The following LOC128092253 variants were observed in gnomAD, a reference collection of about 807,000 sequenced individuals.
chr6:133,978,912 T>C, the LOC128092253 span, among the ~76,000 whole-genome samples: 1 of 152,250 alleles, frequency 6.6e-6, no homozygotes, highest in Non-Finnish European at 1.5e-5. Context: ...AACTATAGTA[T>C]GTTTTTATCA....
the LOC128092253 span, among the ~76,000 whole-genome samples, chr6:133,978,538 T>C: frequency 2.0e-5 from 3 of 152,324 alleles, no homozygotes; most frequent in Admixed American, 2.0e-4. Context: ...CATCAGTTCC[T>C]ATTGTCACCC....
the LOC128092253 span, among the ~76,000 whole-genome samples, chr6:133,960,560 C>T: frequency 6.6e-6 from 1 of 151,958 alleles, no homozygotes; most frequent in African/African-American, 2.4e-5. Context: ...GAATGCATGC[C>T]TCTTGATTTA....
chr6:133,978,795 T>G, the LOC128092253 span, among the ~76,000 whole-genome samples: 1 of 152,204 alleles, frequency 6.6e-6, no homozygotes, highest in Non-Finnish European at 1.5e-5. Flanking sequence ...AAGACCTTCT[T>G]TATTTAGACT....
the LOC128092253 span, among the ~76,000 whole-genome samples, chr6:133,979,752 T>C: frequency 6.6e-6 from 1 of 152,124 alleles, no homozygotes; most frequent in Non-Finnish European, 1.5e-5. Flanking sequence ...GTTCAAGTGA[T>C]TCTCCCACCT....
chr6:133,972,287 C>T, the LOC128092253 span, among the ~76,000 whole-genome samples: 1 of 152,232 alleles, frequency 6.6e-6, no homozygotes, highest in East Asian at 1.9e-4. Context: ...TCACTCAGAT[C>T]TATTCAGATC....
chr6:133,972,116 A>G, the LOC128092253 span, among the ~76,000 whole-genome samples: 4 of 152,166 alleles, frequency 2.6e-5, no homozygotes, highest in African/African-American at 9.6e-5. Context: ...TTGTATCTCA[A>G]TGTATTTGTT....
chr6:133,955,496 G>C, the LOC128092253 span, among the ~76,000 whole-genome samples: 1 of 151,944 alleles, frequency 6.6e-6, no homozygotes, highest in African/African-American at 2.4e-5. Flanking sequence ...TTTATCTGTT[G>C]CATTTTCCTT....
chr6:133,965,154 G>A, the LOC128092253 span, among the ~76,000 whole-genome samples: 54 of 152,258 alleles, frequency 3.5e-4, 1 homozygote, highest in East Asian at 9.8e-3. Flanking sequence ...TAAAAATTAT[G>A]CTGTTTTGTT....
At chr6:133,955,077 T>C in the LOC128092253 span, among the ~76,000 whole-genome samples, 14 of 152,026 alleles carry the variant, frequency 9.2e-5, no homozygotes, top group Non-Finnish European at 1.5e-4. Context: ...AATCAAAGAC[T>C]GTTGCTTAAT....
chr6:133,963,758 C>T, the LOC128092253 span, among the ~76,000 whole-genome samples: 6 of 150,836 alleles, frequency 4.0e-5, no homozygotes, highest in Admixed American at 1.3e-4. Flanking sequence ...CGGCCTGGCG[C>T]GGTGGCTCAC....
At chr6:133,954,166 A>G in the LOC128092253 span, among the ~76,000 whole-genome samples, 5 of 152,208 alleles carry the variant, frequency 3.3e-5, no homozygotes, top group African/African-American at 1.2e-4. Context: ...GCTCATTGCA[A>G]TAAGACTCAA....
At chr6:133,958,631 C>T in the LOC128092253 span, among the ~76,000 whole-genome samples, 2 of 152,282 alleles carry the variant, frequency 1.3e-5, no homozygotes, top group East Asian at 3.9e-4. Flanking sequence ...GTTGTGTGGA[C>T]ATTGGAAACT....
the LOC128092253 span, among the ~76,000 whole-genome samples, chr6:133,958,689 T>G: frequency 6.6e-6 from 1 of 152,220 alleles, no homozygotes; most frequent in Non-Finnish European, 1.5e-5. Flanking sequence ...AATTGCAGAC[T>G]GTTCTTTCCT....
chr6:133,954,803 T>C, the LOC128092253 span, among the ~76,000 whole-genome samples: 1 of 152,148 alleles, frequency 6.6e-6, no homozygotes, highest in Non-Finnish European at 1.5e-5. Flanking sequence ...TTACGTACCC[T>C]CTGCCCTCAA....
chr6:133,973,139 C>T, the LOC128092253 span, among the ~76,000 whole-genome samples: 1 of 152,204 alleles, frequency 6.6e-6, no homozygotes, highest in Admixed American at 6.5e-5. Flanking sequence ...CACAAAATGT[C>T]TATTTCCTAA....
At chr6:133,972,082 C>A in the LOC128092253 span, among the ~76,000 whole-genome samples, 5 of 152,096 alleles carry the variant, frequency 3.3e-5, no homozygotes, top group African/African-American at 1.2e-4. Flanking sequence ...TGGCAAGATT[C>A]CAGACATCAA....
chr6:133,971,982 T>C, the LOC128092253 span, among the ~76,000 whole-genome samples: 1 of 152,192 alleles, frequency 6.6e-6, no homozygotes, highest in Non-Finnish European at 1.5e-5. Flanking sequence ...GGTAAAGCAG[T>C]AATACAGCAT....
At chr6:133,957,343 CAG>C in the LOC128092253 span, among the ~76,000 whole-genome samples, 9 of 152,254 alleles carry the variant, frequency 5.9e-5, no homozygotes, top group East Asian at 1.7e-3. Flanking sequence ...GTGTTAAGGA[CAG>C]AGTTTTCTTA....
At chr6:133,965,365 C>T in the LOC128092253 span, among the ~76,000 whole-genome samples, 1 of 152,114 alleles carries the variant, frequency 6.6e-6, no homozygotes, top group Non-Finnish European at 1.5e-5. Context: ...ACATCATAAA[C>T]TTGTATCACA....
Sources: gnomAD v4.1 joint callset for allele counts (sites outside exome capture counted in the v4.1 genomes callset) on GRCh38, gnomAD v4.1.1 for gene constraint, MANE v1.5 for transcripts.